The following MAP2K6 variants were observed in gnomAD, a reference collection of about 807,000 sequenced individuals.
MAP2K6 encodes mitogen-activated protein kinase kinase 6.
Under a neutral mutation model 53.7 loss-of-function variants are expected in MAP2K6, and 16 were observed. The ratio of observed to expected loss-of-function variants is 0.30; its 90% CI spans 0.20 to 0.45. MAP2K6 has a LOEUF of 0.45. Ranked by LOEUF, MAP2K6 falls within the 20% of genes least tolerant of loss-of-function variation. MAP2K6 has a pLI of 1.00. For missense variants in MAP2K6, 204 were observed against 411.9 expected (o/e 0.50, Z 4.37); for synonymous variants, 132 against 143.1 (o/e 0.92, Z 0.55).
intron 1 of MAP2K6, among the ~76,000 whole-genome samples, chr17:69,462,224 T>G (rs1350430606): frequency 6.6e-6 from 1 of 152,084 alleles, no homozygotes; most frequent in African/African-American, 2.4e-5. Flanking sequence ...CTACCTCAGT[T>G]AGCAGGGGAC....
chr17:69,420,078 T>C (rs1906029107), intron 1 of MAP2K6, among the ~76,000 whole-genome samples: 1 of 152,162 alleles, frequency 6.6e-6, no homozygotes, highest in Non-Finnish European at 1.5e-5. Flanking sequence ...TAACCTAATG[T>C]CTTAAGCTGC....
chr17:69,503,015 A>G (rs1232433121), intron 1 of MAP2K6, among the ~76,000 whole-genome samples: 1 of 152,356 alleles, frequency 6.6e-6, no homozygotes, highest in East Asian at 1.9e-4. Flanking sequence ...GAGGTAAAGA[A>G]GAGAAAGATG....
rs1033712033 is a variant in MAP2K6 at position 69,550,510 on chromosome 17, C to A, written c.*8757C>A. Reference sequence around the variant, plus strand: ...GATTTTATAATTTTAAAATATAATACTGAAAGCTAGTTTGAAGTTTCAGAA... The same window carrying A: ...GATTTTATAATTTTAAAATATAATAATGAAAGCTAGTTTGAAGTTTCAGAA... On this transcript the variant is annotated 3_prime_UTR_variant, in exon 12 of 12. Coordinates refer to ENST00000590474, the MANE Select transcript of MAP2K6 (RefSeq NM_002758.4). The A allele has an allele frequency of 3.2e-4, 48 of 152,210 alleles. No homozygotes were observed. The highest frequency in any genetic ancestry group is 9.4e-4 in the African/African-American group (39 of 41,454). 9.4% of individuals were successfully genotyped at this position (152,210 alleles called of 1,614,324 possible). A position where few individuals can be genotyped will look rare whatever the true frequency, so the allele number is the denominator to read the frequency against.
chr17:69,436,785 T>TTC (rs1299291062), intron 1 of MAP2K6, among the ~76,000 whole-genome samples: 1 of 152,026 alleles, frequency 6.6e-6, no homozygotes, highest in Non-Finnish European at 1.5e-5. Flanking sequence ...TATAATTTTT[T>TTC]TCTCTCTCTC....
chr17:69,516,583 G>A (rs1910155048), intron 2 of MAP2K6, among the ~76,000 whole-genome samples: 1 of 152,094 alleles, frequency 6.6e-6, no homozygotes, highest in African/African-American at 2.4e-5. Flanking sequence ...TACTTGTATT[G>A]TCTCTTTTAA....
intron 1 of MAP2K6, among the ~76,000 whole-genome samples, chr17:69,430,466 G>T (rs191669126): frequency 2.0e-5 from 3 of 152,344 alleles, no homozygotes; most frequent in South Asian, 2.1e-4. Flanking sequence ...TATTAGTTCT[G>T]CCTGAAAGAA....
At chr17:69,528,936 G>A (rs183363394) in intron 10 of MAP2K6, among the ~76,000 whole-genome samples, 17 of 149,652 alleles carry the variant, frequency 1.1e-4, no homozygotes, top group African/African-American at 4.2e-4. Flanking sequence ...AAGAGGGGTG[G>A]TAATGGGGAA....
intron 1 of MAP2K6, among the ~76,000 whole-genome samples, chr17:69,422,374 C>G (rs1408935015): frequency 6.6e-6 from 1 of 152,086 alleles, no homozygotes; most frequent in African/African-American, 2.4e-5. Context: ...TCAGGTGATC[C>G]ACCCACCTCG....
At chr17:69,512,539 A>G (rs370423745) in intron 2 of MAP2K6, among the ~76,000 whole-genome samples, 1 of 151,628 alleles carries the variant, frequency 6.6e-6, no homozygotes. Context: ...GGGTTTCACT[A>G]TGTTGGCCAG....
At chr17:69,503,073 T>C (rs1222574829) in intron 1 of MAP2K6, among the ~76,000 whole-genome samples, 1 of 152,232 alleles carries the variant, frequency 6.6e-6, no homozygotes, top group Non-Finnish European at 1.5e-5. Context: ...AAATGACAAC[T>C]GGAGACCAGT....
At chr17:69,514,854 G>A (rs1021931060) in intron 2 of MAP2K6, among the ~76,000 whole-genome samples, 3 of 152,136 alleles carry the variant, frequency 2.0e-5, no homozygotes, top group African/African-American at 4.8e-5. Context: ...GAGCCACTGC[G>A]CCTCCGCCCA....
At chr17:69,428,770 G>GTGGT (rs1906351246) in intron 1 of MAP2K6, among the ~76,000 whole-genome samples, 1 of 151,950 alleles carries the variant, frequency 6.6e-6, no homozygotes, top group Non-Finnish European at 1.5e-5. Context: ...AACTTGCAGT[G>GTGGT]TGGTTCTCAG....
intron 1 of MAP2K6, among the ~76,000 whole-genome samples, chr17:69,482,282 G>A (rs1293305280): frequency 6.6e-6 from 1 of 151,890 alleles, no homozygotes; most frequent in East Asian, 1.9e-4. Context: ...CTATTTTCTG[G>A]CTTTTATGGT....
chr17:69,414,911 T>G lies in MAP2K6; in HGVS notation c.-74T>G. The stretch of plus-strand genomic sequence containing the variant: ...GCACGCCTGCAGCTTGCATCTTTGT[T>G]GCAAAACTAGCTACAGAAGAGAAGC... On this transcript the variant is annotated 5_prime_UTR_variant, in exon 1 of 12. Coordinates refer to ENST00000590474, the MANE Select transcript of MAP2K6 (RefSeq NM_002758.4). The G allele has an allele frequency of 7.1e-7, 1 of 1,412,118 alleles. No homozygotes were observed. Among genetic ancestry groups the G allele is most frequent in the Non-Finnish European group, 1.0e-6 (1 of 1,003,498 alleles). The allele number at this position is 1,412,118 out of a possible 1,614,324, so 87.5% of individuals were successfully genotyped here. A position where few individuals can be genotyped will look rare whatever the true frequency, so the allele number is the denominator to read the frequency against.
In MAP2K6 at chr17:69,544,506, C is replaced by T. The variant is rs529688948; in HGVS notation, c.*2753C>T. ...AAGACATCTGTGTTCACGGATGACC[C>T]TCAAAATAGTTAATGCCCCACCAGC... On this transcript the variant is annotated 3_prime_UTR_variant, in exon 12 of 12. Coordinates refer to ENST00000590474, the MANE Select transcript of MAP2K6 (RefSeq NM_002758.4). 3.3e-5 allele frequency: 5 copies of T among 152,228 alleles called. No individual in the cohort carries two copies. Among genetic ancestry groups the T allele is most frequent in the South Asian group, 4.2e-4 (2 of 4,816 alleles). 9.4% of individuals were successfully genotyped at this position (152,228 alleles called of 1,614,324 possible).
intron 1 of MAP2K6, among the ~76,000 whole-genome samples, chr17:69,476,397 T>C (rs1369670715): frequency 6.6e-6 from 1 of 152,228 alleles, no homozygotes; most frequent in Admixed American, 6.5e-5. Flanking sequence ...TCGCAGATTG[T>C]GTTTCTCAGG....
In MAP2K6 at chr17:69,505,861, C is replaced by A. The variant is rs764790804; in HGVS notation, c.83+15C>A. ...ACCAGTTCCACGTAAGTTGACAAGA[C>A]CATCATCTGAATCCAAATCCTTGTG... On this transcript the variant is annotated intron_variant, in intron 2 of 11. Coordinates refer to ENST00000590474, the MANE Select transcript of MAP2K6 (RefSeq NM_002758.4). 1 of 1,609,524 alleles carries A rather than the reference C, an allele frequency of 6.2e-7. No homozygotes were observed. Among genetic ancestry groups the A allele is most frequent in the South Asian group, 1.1e-5 (1 of 90,928 alleles).
At chr17:69,451,863 T>C (rs1192813428) in intron 1 of MAP2K6, among the ~76,000 whole-genome samples, 1 of 151,916 alleles carries the variant, frequency 6.6e-6, no homozygotes, top group East Asian at 1.9e-4. Context: ...GAGGAGAGAG[T>C]GCCTCAGGCT....
rs1912021468 is a variant in MAP2K6 at position 69,549,764 on chromosome 17, C to T, written c.*8011C>T. On this transcript the variant is annotated 3_prime_UTR_variant, in exon 12 of 12. Transcript: ENST00000590474. ...ATTGTGGTCAGAAATGGGTAATTTG[C>T]ATCATTTGGTCACTATCAATATTTG... 1 of 152,112 alleles carries T rather than the reference C, an allele frequency of 6.6e-6. No individual in the cohort carries two copies. Among genetic ancestry groups the T allele is most frequent in the Non-Finnish European group, 1.5e-5 (1 of 68,020 alleles). The allele number at this position is 152,112 out of a possible 1,614,324, so 9.4% of individuals were successfully genotyped here. A position where few individuals can be genotyped will look rare whatever the true frequency, so the allele number is the denominator to read the frequency against.
Sources: allele counts gnomAD v4.1 joint callset (sites outside exome capture counted in the v4.1 genomes callset), GRCh38; gene constraint gnomAD v4.1.1; transcripts MANE v1.5; gene names NCBI Gene and HGNC (gene_info 2026-07-23, HGNC 2026-07-21).